The following RBFOX1 variants were observed in gnomAD, a reference collection of about 807,000 sequenced individuals.
The protein encoded by RBFOX1 is RNA binding fox-1 homolog 1.
Under a neutral mutation model 57.7 loss-of-function variants are expected in RBFOX1, and 8 were observed. That is an observed-to-expected ratio of 0.14 (90% confidence interval 0.08 to 0.25). The LOEUF (loss-of-function observed/expected upper bound fraction) is 0.25. Ranked by LOEUF, RBFOX1 falls within the 10% of genes least tolerant of loss-of-function variation. The pLI is 1.00. For missense variants in RBFOX1, 611 were observed against 548.5 expected (o/e 1.11, Z -1.14); for synonymous variants, 326 against 222.4 (o/e 1.47, Z -4.15).
At position 5,538,404 on chromosome 16, in the gene RBFOX1, A is replaced by G. The variant is rs191157568; in HGVS notation, c.259-60498A>G. Among the ~76,000 whole-genome samples, 1,398 of 140,542 alleles carry G rather than the reference A, an allele frequency of 9.9e-3. 9 individuals carry two copies. The highest frequency in any genetic ancestry group is 0.017 in the Non-Finnish European group (1,051 of 61,248). The allele number at this position is 140,542 out of a possible 152,430, so 92.2% of individuals were successfully genotyped here. ...ATTGCCATGGGACTATGCATGCCAT[A>G]ATAAACTACTGTTCAGGGAGGTCAA... On this transcript the variant is annotated intron_variant, in intron 2 of 2. Transcript: ENST00000585867.
intron 3 of RBFOX1, among the ~76,000 whole-genome samples, chr16:6,810,603 A>G (rs568820924): frequency 6.6e-6 from 1 of 152,120 alleles, no homozygotes; most frequent in East Asian, 1.9e-4. Flanking sequence ...AAAGAGCTAT[A>G]AAGAACTTCC....
At chr16:7,659,715 T>G (rs1237008091) in intron 12 of RBFOX1, among the ~76,000 whole-genome samples, 2 of 152,262 alleles carry the variant, frequency 1.3e-5, no homozygotes, top group African/African-American at 4.8e-5. Context: ...AAGCTGCCTT[T>G]GCAGAATTCT....
At chr16:7,120,317 G>A (rs571521867) in intron 4 of RBFOX1, among the ~76,000 whole-genome samples, 1 of 148,308 alleles carries the variant, frequency 6.7e-6, no homozygotes, top group African/African-American at 2.5e-5. Flanking sequence ...CATGCAAAGA[G>A]AAAGAAGGGA....
intron 3 of RBFOX1, among the ~76,000 whole-genome samples, chr16:7,027,037 C>T (rs566527042): frequency 6.6e-6 from 1 of 152,156 alleles, no homozygotes. Flanking sequence ...CTCCTCCATT[C>T]TCCCTGAACA....
At chr16:7,660,355 C>G (rs2067406671) in intron 12 of RBFOX1, among the ~76,000 whole-genome samples, 2 of 152,212 alleles carry the variant, frequency 1.3e-5, no homozygotes, top group South Asian at 2.1e-4. Context: ...TGAAATATGA[C>G]TGCGCCTGTT....
intron 4 of RBFOX1, among the ~76,000 whole-genome samples, chr16:6,008,128 C>A (rs1240142613): frequency 6.6e-6 from 1 of 152,094 alleles, no homozygotes. Context: ...TCACTTGAAC[C>A]TGGCAGGCAG....
intron 2 of RBFOX1, among the ~76,000 whole-genome samples, chr16:6,331,173 G>A (rs1347746049): frequency 2.0e-5 from 3 of 152,158 alleles, no homozygotes; most frequent in Non-Finnish European, 4.4e-5. Flanking sequence ...GTCTGGGGCC[G>A]GGCCCAGTGG....
intron 4 of RBFOX1, among the ~76,000 whole-genome samples, chr16:7,143,177 A>G (rs2074211264): frequency 6.6e-6 from 1 of 152,120 alleles, no homozygotes; most frequent in Non-Finnish European, 1.5e-5. Context: ...AGTGAGCATA[A>G]AAGCAAGGCA....
intron 1 of RBFOX1, among the ~76,000 whole-genome samples, chr16:6,050,055 T>A (rs1211286455): frequency 6.6e-6 from 1 of 151,296 alleles, no homozygotes; most frequent in Non-Finnish European, 1.5e-5. Context: ...GACTCCTGGA[T>A]TCAAGCAATT....
At chr16:6,726,029 G>C (rs973478002) in intron 3 of RBFOX1, among the ~76,000 whole-genome samples, 3 of 151,936 alleles carry the variant, frequency 2.0e-5, no homozygotes, top group African/African-American at 7.3e-5. Flanking sequence ...TTTCTGTCTC[G>C]GCAAAGAGAG....
intron 4 of RBFOX1, among the ~76,000 whole-genome samples, chr16:7,279,090 T>C (rs1474074088): frequency 1.5e-5 from 2 of 131,922 alleles, no homozygotes; most frequent in African/African-American, 3.3e-5. Flanking sequence ...CTGGAGACTC[T>C]TTTTTTTTTT....
intron 4 of RBFOX1, among the ~76,000 whole-genome samples, chr16:5,926,473 G>T (rs2058943529): frequency 6.6e-6 from 1 of 152,162 alleles, no homozygotes; most frequent in South Asian, 2.1e-4. Flanking sequence ...AGGGATGCCA[G>T]AAGTCCTGCA....
chr16:6,499,667 A>G (rs762759165), intron 2 of RBFOX1, among the ~76,000 whole-genome samples: 5 of 152,092 alleles, frequency 3.3e-5, no homozygotes, highest in East Asian at 1.9e-4. Flanking sequence ...TAATGTGTCA[A>G]CATCACTTCA....
At chr16:7,308,999 TG>T (rs2096253363) in intron 4 of RBFOX1, among the ~76,000 whole-genome samples, 2 of 152,152 alleles carry the variant, frequency 1.3e-5, no homozygotes, top group Admixed American at 1.3e-4. Context: ...TGCTATGGAT[TG>T]GGGGTGGTCG....
chr16:6,688,610 C>T (rs2154130323), intron 3 of RBFOX1, among the ~76,000 whole-genome samples: 1 of 152,254 alleles, frequency 6.6e-6, no homozygotes, highest in East Asian at 1.9e-4. Context: ...ACTGTCCAAC[C>T]AGCCATTTGA....
rs1029167586 is a variant in RBFOX1 at position 7,708,693 on chromosome 16, C to T, written c.996-363C>T. On this transcript the variant is annotated intron_variant, in intron 14 of 15. Transcript: ENST00000550418. Reference sequence around the variant, plus strand: ...AGGCACTCTCTTGAGAATTAAAATACCCTCTGTGGGTGCTGGGCTTAATAC... The same window carrying T: ...AGGCACTCTCTTGAGAATTAAAATATCCTCTGTGGGTGCTGGGCTTAATAC... 3.9e-5 allele frequency among the ~76,000 whole-genome samples: 6 copies of T among 152,322 alleles called. No homozygotes were observed. The South Asian group carries it at 8.3e-4, about 21-fold the overall frequency.
At chr16:6,427,115 C>A (rs1409604988) in intron 2 of RBFOX1, among the ~76,000 whole-genome samples, 1 of 152,130 alleles carries the variant, frequency 6.6e-6, no homozygotes, top group Admixed American at 6.5e-5. Flanking sequence ...AACCCGATAA[C>A]AATGGGAAAA....
chr16:7,274,497 T>G (rs1171195653), intron 4 of RBFOX1, among the ~76,000 whole-genome samples: 1 of 152,074 alleles, frequency 6.6e-6, no homozygotes, highest in Admixed American at 6.6e-5. Flanking sequence ...AATACATACA[T>G]ATGTTGAATG....
At chr16:6,003,111 C>G (rs2060629456) in intron 4 of RBFOX1, among the ~76,000 whole-genome samples, 1 of 151,844 alleles carries the variant, frequency 6.6e-6, no homozygotes, top group Non-Finnish European at 1.5e-5. Context: ...AACCCCGTCT[C>G]TACTAAAAAT....
Sources: allele counts gnomAD v4.1 joint callset (sites outside exome capture counted in the v4.1 genomes callset), GRCh38; gene constraint gnomAD v4.1.1; transcripts MANE v1.5; gene names NCBI Gene and HGNC (gene_info 2026-07-23, HGNC 2026-07-21).